Variants in RFTN2 observed in about 807,000 individuals in gnomAD.
The protein encoded by RFTN2 is raftlin-2.
Under a neutral mutation model 52.7 loss-of-function variants are expected in RFTN2, and 34 were observed. The ratio of observed to expected loss-of-function variants is 0.64; its 90% confidence interval spans 0.49 to 0.86. The LOEUF (loss-of-function observed/expected upper bound fraction) is 0.86. Among genes scored for constraint, RFTN2 ranks in the 40% least tolerant of loss-of-function variants. The pLI is 0.00. For synonymous variants in RFTN2, 203 were observed against 217.7 expected, an observed-to-expected ratio of 0.93 and a Z score of 0.59; for missense variants, 536 against 600.1, an observed-to-expected ratio of 0.89 and a Z score of 1.12.
At chr2:197,632,014 A>G (rs1227639604) in intron 4 of RFTN2, among the ~76,000 whole-genome samples, 1 of 152,234 alleles carries the variant, frequency 6.6e-6, no homozygotes, top group Non-Finnish European at 1.5e-5. Flanking sequence ...GTTATTGAGA[A>G]GTACATACTT....
chr2:197,656,016 C>T (rs375990162), intron 1 of RFTN2, among the ~76,000 whole-genome samples: 3 of 152,034 alleles, frequency 2.0e-5, no homozygotes, highest in East Asian at 1.9e-4. Flanking sequence ...AAAACTTGGG[C>T]GTACTATTAA....
chr2:197,589,653 T>C (rs189748840), intron 8 of RFTN2, among the ~76,000 whole-genome samples: 2 of 152,248 alleles, frequency 1.3e-5, no homozygotes, highest in Admixed American at 6.5e-5. Flanking sequence ...CTCATTTACA[T>C]ATCCTCATTG....
At chr2:197,575,892 AT>A in intron 8 of RFTN2, among the ~76,000 whole-genome samples, 1 of 142,528 alleles carries the variant, frequency 7.0e-6, no homozygotes, top group Non-Finnish European at 1.5e-5. Flanking sequence ...TATATAATAT[AT>A]ATAATATATA....
At position 197,658,477 on chromosome 2, in the gene RFTN2, G is replaced by C. The variant is rs192272690; in HGVS notation, c.140-11811C>G. Among the ~76,000 whole-genome samples, 217 of 151,832 alleles carry C rather than the reference G, an allele frequency of 1.4e-3. 5 individuals are homozygous for C. The highest frequency in any genetic ancestry group is 6.8e-3 in the Middle Eastern group (2 of 294). ...GTTTTTTTTTTTTTTGGCAGAGGTG[G>C]GGTTTCTCCATGTTGCCCAGGCTGG... is the stretch of plus-strand genomic sequence containing the variant. On this transcript the variant is annotated intron_variant, in intron 1 of 8. Coordinates refer to ENST00000295049, the MANE Select transcript of RFTN2 (RefSeq NM_144629.3).
At chr2:197,622,658 A>G (rs2088287470) in intron 5 of RFTN2, among the ~76,000 whole-genome samples, 1 of 152,222 alleles carries the variant, frequency 6.6e-6, no homozygotes, top group Admixed American at 6.5e-5. Flanking sequence ...GGAAGACGTC[A>G]TCCAGGACTT....
At chr2:197,640,744 C>T (rs144930737) in intron 3 of RFTN2, among the ~76,000 whole-genome samples, 41,182 of 152,126 alleles carry the variant, frequency 0.27, 6,894 homozygotes, top group Middle Eastern at 0.44. Flanking sequence ...CCTATTCGGC[C>T]ATCTTGGCTC....
chr2:197,589,094 G>A (rs1247437436), intron 8 of RFTN2, among the ~76,000 whole-genome samples: 5 of 151,572 alleles, frequency 3.3e-5, no homozygotes, highest in African/African-American at 9.7e-5. Flanking sequence ...GGTGCTACGC[G>A]CCTGTAATCC....
At chr2:197,618,977 G>A (rs1485302183) in intron 5 of RFTN2, among the ~76,000 whole-genome samples, 2 of 151,544 alleles carry the variant, frequency 1.3e-5, no homozygotes, top group African/African-American at 2.4e-5. Context: ...CCCCCGCCCG[G>A]CCAGCCGCCC....
At chr2:197,648,142 A>G (rs1463507228) in intron 1 of RFTN2, among the ~76,000 whole-genome samples, 2 of 152,168 alleles carry the variant, frequency 1.3e-5, no homozygotes. Context: ...CACAGGAAGG[A>G]GGTTAAGAAG....
chr2:197,569,311 C>T lies in RFTN2; in HGVS notation c.*2697G>A, dbSNP rs1373299898. ...AGTGTTATAAAAAGAACTGAATATA[C>T]AACTGGCAGATAATAAAATTAGACA... On this transcript the variant is annotated 3_prime_UTR_variant, in exon 9 of 9. Transcript: ENST00000295049. 1 of 152,128 alleles carries T rather than the reference C, an allele frequency of 6.6e-6. No homozygotes were observed. Among genetic ancestry groups the T allele is most frequent in the Admixed American group, 6.5e-5 (1 of 15,268 alleles). The allele number at this position is 152,128 out of a possible 1,614,324, so 9.4% of individuals were successfully genotyped here.
intron 5 of RFTN2, among the ~76,000 whole-genome samples, chr2:197,619,717 A>G (rs1311140629): frequency 6.8e-6 from 1 of 146,592 alleles, no homozygotes; most frequent in Non-Finnish European, 1.5e-5. Context: ...CCCCTCTGCG[A>G]GAAACACCCA....
At chr2:197,610,466 T>C (rs1021031133) in intron 7 of RFTN2, among the ~76,000 whole-genome samples, 1 of 152,238 alleles carries the variant, frequency 6.6e-6, no homozygotes, top group Non-Finnish European at 1.5e-5. Flanking sequence ...TGATTTTGTA[T>C]CCTGAGACTT....
intron 1 of RFTN2, among the ~76,000 whole-genome samples, chr2:197,673,949 A>G (rs1047049011): frequency 2.6e-5 from 4 of 152,214 alleles, no homozygotes; most frequent in Admixed American, 6.5e-5. Context: ...ATGGATGTAC[A>G]GAAACGAGTC....
chr2:197,635,342 C>T lies in RFTN2; in HGVS notation c.439-1345G>A, dbSNP rs1574728271. 2.0e-5 allele frequency among the ~76,000 whole-genome samples: 3 copies of T among 152,324 alleles called. No homozygotes were observed. In the South Asian group the frequency reaches 6.2e-4, roughly 32 times the overall value. On this transcript the variant is annotated intron_variant, in intron 3 of 8. Transcript: ENST00000295049. ...CTTCCACAACGGTTGAACTAGTTTA[C>T]AGTCCCACCAACAGTGTAAAAGTGT...
chr2:197,587,064 C>G (rs2087611287), intron 8 of RFTN2, among the ~76,000 whole-genome samples: 1 of 152,126 alleles, frequency 6.6e-6, no homozygotes. Flanking sequence ...TTATTCAGAC[C>G]TTGTATCTTC....
chr2:197,587,692 T>C (rs1406798670), intron 8 of RFTN2, among the ~76,000 whole-genome samples: 1 of 152,230 alleles, frequency 6.6e-6, no homozygotes, highest in Non-Finnish European at 1.5e-5. Flanking sequence ...ACACAAAGCC[T>C]GTTTGGTAGT....
At chr2:197,665,217 G>C (rs1165302168) in intron 1 of RFTN2, among the ~76,000 whole-genome samples, 1 of 152,146 alleles carries the variant, frequency 6.6e-6, no homozygotes, top group Non-Finnish European at 1.5e-5. Context: ...GAAGAGATAT[G>C]AGGGAACCTT....
intron 7 of RFTN2, among the ~76,000 whole-genome samples, chr2:197,601,131 T>C (rs945475247): frequency 1.4e-4 from 21 of 152,216 alleles, no homozygotes; most frequent in African/African-American, 4.6e-4. Context: ...AATGAGATAG[T>C]AGATGTAAAG....
intron 8 of RFTN2, among the ~76,000 whole-genome samples, chr2:197,579,860 C>A (rs552258007): frequency 6.6e-6 from 1 of 152,254 alleles, no homozygotes; most frequent in African/African-American, 2.4e-5. Flanking sequence ...TCTATCACTG[C>A]CCCTCCTCAC....
Sources: gnomAD v4.1 joint callset for allele counts (sites outside exome capture counted in the v4.1 genomes callset) on GRCh38, gnomAD v4.1.1 for gene constraint, MANE v1.5 for transcripts, NCBI Gene and HGNC (gene_info 2026-07-23, HGNC 2026-07-21) for gene names.